Variants in ASXL1 observed in about 807,000 individuals in gnomAD.
ASXL1 encodes polycomb group protein ASXL1.
Under a neutral mutation model 89.1 loss-of-function variants are expected in ASXL1, and 65 were observed. The ratio of observed to expected loss-of-function variants is 0.73; its 90% CI spans 0.60 to 0.90. The LOEUF (loss-of-function observed/expected upper bound fraction) is 0.90. Ranked by LOEUF, ASXL1 falls within the 40% of genes least tolerant of loss-of-function variation. The pLI is 0.00. For synonymous variants in ASXL1, 739 were observed against 746.9 expected (o/e 0.99, Z 0.17); for missense variants, 1,786 against 1,942.9 (o/e 0.92, Z 1.52).
At chr20:32,432,280 A>C (rs1023075029) in intron 10 of ASXL1, 1 of 178,248 alleles carries the variant, frequency 5.6e-6, no homozygotes, top group African/African-American at 2.4e-5. Context: ...GTGGTGTCAC[A>C]CAGGACACAT....
Position 32,431,498 on chromosome 20 carries a change from G to T in ASXL1, c.882+14G>T. 6.2e-7 allele frequency: 1 copy of T among 1,614,090 alleles called. No homozygotes were observed. On this transcript the variant is annotated intron_variant, in intron 9 of 12. Transcript: ENST00000375687. ...GTAGACAGACAGGTGCACATGGGCA[G>T]CCTCCCCTTTGCCTCTCTCTGGGTG...
At chr20:32,366,524 A>G (rs1279560287) in intron 2 of ASXL1, 58 bp downstream of exon 2, 1 of 1,612,706 alleles carries the variant, frequency 6.2e-7, no homozygotes, top group Non-Finnish European at 8.5e-7. Flanking sequence ...GTCTTTCTGT[A>G]GTTGTAGTGA....
chr20:32,399,760 T>A (rs1315940846), intron 4 of ASXL1, among the ~76,000 whole-genome samples: 24 of 114,776 alleles, frequency 2.1e-4, no homozygotes, highest in South Asian at 7.9e-4. Context: ...TTTTTTTTTT[T>A]TTTTTTTTTT....
chr20:32,361,365 C>T (rs1254306244), intron 1 of ASXL1, among the ~76,000 whole-genome samples: 3 of 150,202 alleles, frequency 2.0e-5, no homozygotes, highest in Non-Finnish European at 4.4e-5. Context: ...TGAGGCTGGG[C>T]GCTGTGGCTC....
intron 4 of ASXL1, among the ~76,000 whole-genome samples, chr20:32,412,594 A>AT (rs377498376): frequency 0.35 from 48,454 of 137,538 alleles, 9,390 homozygotes; most frequent in Middle Eastern, 0.52. Flanking sequence ...AAAGAAATAA[A>AT]TTTTTTTTTT....
At position 32,419,311 on chromosome 20, in the gene ASXL1, T is replaced by C. The variant is rs139826097; in HGVS notation, c.253-8817T>C. Among the ~76,000 whole-genome samples the C allele has an allele frequency of 9.2e-3, 1,402 of 152,150 alleles. 57 individuals are homozygous for C. The highest frequency in any genetic ancestry group is 0.073 in the Admixed American group (1,109 of 15,270). On this transcript the variant is annotated intron_variant, in intron 4 of 12. Coordinates refer to ENST00000375687, the MANE Select transcript of ASXL1 (RefSeq NM_015338.6). ...TGAAACTCCTGGGCTCAAGCAATGC[T>C]CCCACCTCAGCCTCCCGAGTAGCTG...
chr20:32,402,298 T>C (rs2048889233), intron 4 of ASXL1, among the ~76,000 whole-genome samples: 1 of 151,860 alleles, frequency 6.6e-6, no homozygotes, highest in African/African-American at 2.4e-5. Flanking sequence ...CAATCTATCC[T>C]CCTGCCTCAG....
At chr20:32,390,453 C>A (rs1485706156) in intron 4 of ASXL1, among the ~76,000 whole-genome samples, 1 of 151,998 alleles carries the variant, frequency 6.6e-6, no homozygotes, top group Non-Finnish European at 1.5e-5. Context: ...GATATGTAAT[C>A]CCCACCCATG....
At chr20:32,401,184 A>G (rs982438360) in intron 4 of ASXL1, among the ~76,000 whole-genome samples, 10 of 152,188 alleles carry the variant, frequency 6.6e-5, no homozygotes, top group African/African-American at 2.2e-4. Flanking sequence ...CACATGAACT[A>G]TTTTGAGCTG....
rs2011759310 is a variant in ASXL1, at chr20:32,435,294, C to A, written c.2582C>A (p.Ala861Glu). ...SSPTDCLQNR[A>E]FDDELGLGGS... ...CCGACTGATTGCCTGCAGAACAGAG[C>A]ATTTGATGACGAATTAGGGCTTGGT... Residue 861 changes from alanine to glutamate, a missense_variant, in exon 13 of 13, where the codon GCA (alanine) becomes GAA (glutamate). Coordinates refer to ENST00000375687, the MANE Select transcript of ASXL1 (RefSeq NM_015338.6). 1 of 1,614,136 alleles carries A rather than the reference C, an allele frequency of 6.2e-7. No homozygotes were observed. Among genetic ancestry groups the A allele is most frequent in the Non-Finnish European group, 8.5e-7 (1 of 1,180,032 alleles).
At chr20:32,397,358 C>T (rs1407089222) in intron 4 of ASXL1, among the ~76,000 whole-genome samples, 2 of 135,006 alleles carry the variant, frequency 1.5e-5, no homozygotes, top group African/African-American at 5.5e-5. Flanking sequence ...CCTTGGCCTC[C>T]TAAGGTGTTG....
intron 4 of ASXL1, among the ~76,000 whole-genome samples, chr20:32,406,243 T>G (rs1178226535): frequency 2.0e-5 from 3 of 152,152 alleles, no homozygotes; most frequent in Admixed American, 2.0e-4. Flanking sequence ...GTATAAGTCC[T>G]TTTTCCAACA....
chr20:32,432,504 A>AT, intron 10 of ASXL1: 2 of 308,808 alleles, frequency 6.5e-6, no homozygotes, highest in Non-Finnish European at 1.2e-5. Flanking sequence ...TGAACAACTC[A>AT]TATCAGTTAG....
At position 32,436,948 on chromosome 20, in the gene ASXL1, A is replaced by G; in HGVS notation, c.4236A>G (p.Lys1412=). ...TTGTCATGGACTTGCCCTTCTGGAAATTACCCCGAGAGCCAGGGAAGGGGC... is the reference window on the plus strand; with the variant it reads ...TTGTCATGGACTTGCCCTTCTGGAAGTTACCCCGAGAGCCAGGGAAGGGGC... ...MPFVMDLPFW[K]LPREPGKGLS... is the part of the protein sequence containing the mutation. The change falls in exon 13 of 13, where the codon AAA becomes AAG. Residue 1412 remains lysine (K), a synonymous_variant. Transcript: ENST00000375687. The G allele has an allele frequency of 6.2e-7, 1 of 1,614,084 alleles. No homozygotes were observed. The highest frequency in any genetic ancestry group is 8.5e-7 in the Non-Finnish European group (1 of 1,180,020).
intron 4 of ASXL1, among the ~76,000 whole-genome samples, chr20:32,385,349 T>C (rs1230579054): frequency 6.6e-6 from 1 of 152,204 alleles, no homozygotes; most frequent in African/African-American, 2.4e-5. Context: ...AGTTCTCAAA[T>C]GTTTGAGAAG....
chr20:32,381,247 T>C (rs6141695), intron 4 of ASXL1, among the ~76,000 whole-genome samples: 56,869 of 152,018 alleles, frequency 0.37, 11,312 homozygotes, highest in East Asian at 0.74. Context: ...CCTCTGTTAT[T>C]TAGGCTGAGT....
In ASXL1 at chr20:32,433,598, C is replaced by T. The variant is rs2123261694; in HGVS notation, c.1400C>T (p.Pro467Leu). The change falls in exon 12 of 13, where the codon CCA becomes CTA. Residue 467 changes from proline (P) to leucine (L), a missense_variant. Transcript: ENST00000375687. ...DPAGLSSPHL[P>L]GTSSAAPDLE... ...GCAGGGCTGAGCAGTCCCCATCTGC[C>T]AGGCACATCCTCTGCAGCACCCGAC... 1 of 1,614,096 alleles carries T rather than the reference C, an allele frequency of 6.2e-7. No individual in the cohort carries two copies. The highest frequency in any genetic ancestry group is 8.5e-7 in the Non-Finnish European group (1 of 1,179,986).
At chr20:32,425,885 A>G (rs2011264734) in intron 4 of ASXL1, among the ~76,000 whole-genome samples, 1 of 152,122 alleles carries the variant, frequency 6.6e-6, no homozygotes, top group African/African-American at 2.4e-5. Context: ...TTGTATTTTT[A>G]GTAGAGACAG....
chr20:32,362,667 C>CT (rs2048139576), intron 1 of ASXL1, among the ~76,000 whole-genome samples: 1 of 151,980 alleles, frequency 6.6e-6, no homozygotes, highest in Non-Finnish European at 1.5e-5. Flanking sequence ...ACAACAACAA[C>CT]AAAAAAACCT....
Sources: allele counts gnomAD v4.1 joint callset (sites outside exome capture counted in the v4.1 genomes callset), GRCh38; gene constraint gnomAD v4.1.1; transcripts MANE v1.5; gene names NCBI Gene and HGNC (gene_info 2026-07-23, HGNC 2026-07-21).